Variants in ZRANB3 observed in about 807,000 individuals in gnomAD.
ZRANB3 encodes the protein DNA annealing helicase and endonuclease ZRANB3.
ZRANB3 carries 125 observed loss-of-function variants against 133.8 expected under a neutral mutation model. That is an observed-to-expected ratio of 0.93 (90% CI 0.81 to 1.08). The LOEUF is 1.08. ZRANB3 is among the 50% of genes least tolerant of loss of function. The pLI is 0.00. For missense variants in ZRANB3, 1,229 were observed against 1,275.5 expected (o/e 0.96, Z 0.56); for synonymous variants, 387 against 432.7 (o/e 0.89, Z 1.31).
In ZRANB3 at chr2:135,288,873, CGTGTGT is replaced by C. The variant is rs57200280; in HGVS notation, c.967-13124_967-13119del. Among the ~76,000 whole-genome samples the C allele has an allele frequency of 2.8e-3, 401 of 141,384 alleles. 2 individuals are homozygous for C. The highest frequency in any genetic ancestry group is 8.0e-3 in the African/African-American group (307 of 38,550). 92.8% of individuals were successfully genotyped at this position (141,384 alleles called of 152,430 possible). A position where few individuals can be genotyped will look rare whatever the true frequency, so the allele number is the denominator to read the frequency against. ...AAGAACTTGTTTCTGCTTCATTTAT[CGTGTGT>C]GTGTGTGTGTGTGTGTGTGTGTGTG... On this transcript the variant is annotated intron_variant, in intron 8 of 20. Coordinates refer to ENST00000264159, the MANE Select transcript of ZRANB3 (RefSeq NM_032143.4).
At chr2:135,313,060 T>C (rs941902948) in intron 8 of ZRANB3, among the ~76,000 whole-genome samples, 4 of 150,100 alleles carry the variant, frequency 2.7e-5, no homozygotes, top group African/African-American at 9.8e-5. Context: ...TGAATATATA[T>C]ATAATTTAAA....
At chr2:135,448,599 C>T (rs1314686466) in intron 2 of ZRANB3, among the ~76,000 whole-genome samples, 1 of 152,102 alleles carries the variant, frequency 6.6e-6, no homozygotes, top group Non-Finnish European at 1.5e-5. Context: ...GCAAATTATT[C>T]ATTAATGATA....
chr2:135,258,509 T>C (rs11884903), intron 12 of ZRANB3, among the ~76,000 whole-genome samples: 47,113 of 152,060 alleles, frequency 0.31, 11,311 homozygotes, highest in African/African-American at 0.66. Flanking sequence ...CCCTTTTATT[T>C]CTTTTCACAC....
intron 2 of ZRANB3, among the ~76,000 whole-genome samples, chr2:135,435,298 A>C (rs1266721614): frequency 4.6e-5 from 7 of 152,194 alleles, no homozygotes; most frequent in African/African-American, 1.7e-4. Context: ...CTAGCTCCAT[A>C]CATGTTCCTG....
chr2:135,249,320 C>T (rs1679256307), intron 12 of ZRANB3, among the ~76,000 whole-genome samples: 1 of 152,116 alleles, frequency 6.6e-6, no homozygotes, highest in South Asian at 2.1e-4. Flanking sequence ...GCACTATTTG[C>T]AATAGCAAAG....
intron 3 of ZRANB3, among the ~76,000 whole-genome samples, chr2:135,360,286 C>G (rs1476297384): frequency 6.6e-6 from 1 of 152,058 alleles, no homozygotes; most frequent in Non-Finnish European, 1.5e-5. Flanking sequence ...GAGGCTGAGG[C>G]AGGAGAATTG....
chr2:135,335,889 T>A (rs1369563243), intron 6 of ZRANB3, among the ~76,000 whole-genome samples: 1 of 151,922 alleles, frequency 6.6e-6, no homozygotes, highest in African/African-American at 2.4e-5. Flanking sequence ...TTTCATTACT[T>A]CCAGGGGGAA....
intron 8 of ZRANB3, among the ~76,000 whole-genome samples, chr2:135,306,593 T>TG (rs1438755197): frequency 1.5e-5 from 2 of 135,268 alleles, no homozygotes; most frequent in East Asian, 4.3e-4. Flanking sequence ...CACCCGGCCT[T>TG]TTTTTTTTTT....
At chr2:135,413,274 C>G (rs1310481016) in intron 2 of ZRANB3, among the ~76,000 whole-genome samples, 1 of 152,100 alleles carries the variant, frequency 6.6e-6, no homozygotes, top group Non-Finnish European at 1.5e-5. Flanking sequence ...GTGAATCAAC[C>G]AATCCTAGAT....
intron 2 of ZRANB3, among the ~76,000 whole-genome samples, chr2:135,486,815 C>T (rs1158194152): frequency 6.6e-6 from 1 of 152,154 alleles, no homozygotes; most frequent in African/African-American, 2.4e-5. Flanking sequence ...ACCCGGTCCC[C>T]TCTACTGAAG....
intron 15 of ZRANB3, among the ~76,000 whole-genome samples, chr2:135,223,578 T>C (rs1394568328): frequency 2.0e-4 from 30 of 152,262 alleles, no homozygotes; most frequent in Non-Finnish European, 5.9e-5. Flanking sequence ...TCCACCCACC[T>C]TGGCCTCTCC....
intron 3 of ZRANB3, among the ~76,000 whole-genome samples, chr2:135,387,113 GC>G (rs1445768373): frequency 6.6e-6 from 1 of 151,810 alleles, no homozygotes; most frequent in Non-Finnish European, 1.5e-5. Context: ...ACAGCAGACA[GC>G]TAAAGTACAC....
intron 2 of ZRANB3, among the ~76,000 whole-genome samples, chr2:135,398,940 CTG>C (rs895901625): frequency 2.0e-5 from 3 of 152,214 alleles, no homozygotes; most frequent in Non-Finnish European, 4.4e-5. Flanking sequence ...CCTAATCACA[CTG>C]TGTTCAGTAC....
chr2:135,405,552 T>C (rs7567934), intron 2 of ZRANB3, among the ~76,000 whole-genome samples: 2,168 of 152,220 alleles, frequency 0.014, 47 homozygotes, highest in African/African-American at 0.049. Flanking sequence ...TATTCCAAAA[T>C]TGACCACATA....
intron 12 of ZRANB3, among the ~76,000 whole-genome samples, chr2:135,259,512 G>A (rs1029586225): frequency 1.6e-4 from 25 of 152,172 alleles, no homozygotes; most frequent in African/African-American, 5.1e-4. Context: ...TCCGCCTCCC[G>A]GGTTCAAGCG....
intron 2 of ZRANB3, among the ~76,000 whole-genome samples, chr2:135,478,482 AAT>A (rs1327834697): frequency 6.6e-6 from 1 of 152,146 alleles, no homozygotes; most frequent in Non-Finnish European, 1.5e-5. Flanking sequence ...ACCATAGATT[AAT>A]ATGTTATTTA....
chr2:135,292,553 C>A (rs1182396437), intron 8 of ZRANB3, among the ~76,000 whole-genome samples: 1 of 152,176 alleles, frequency 6.6e-6, no homozygotes, highest in Non-Finnish European at 1.5e-5. Flanking sequence ...GTTGCCTGTT[C>A]ACTCTGATGG....
At chr2:135,374,814 A>G (rs554379756) in intron 3 of ZRANB3, among the ~76,000 whole-genome samples, 3 of 152,210 alleles carry the variant, frequency 2.0e-5, no homozygotes, top group African/African-American at 7.2e-5. Flanking sequence ...AAACATATCT[A>G]ATAAAGACTT....
At chr2:135,275,541 G>C (rs1680767186) in intron 9 of ZRANB3, 95 bp downstream of exon 9, 1 of 1,078,278 alleles carries the variant, frequency 9.3e-7, no homozygotes, top group Non-Finnish European at 1.2e-6. Flanking sequence ...ATCTAAAGAA[G>C]ACAAAAAACA....
Sources: gnomAD v4.1 joint callset for allele counts (sites outside exome capture counted in the v4.1 genomes callset) on GRCh38, gnomAD v4.1.1 for gene constraint, MANE v1.5 for transcripts, NCBI Gene and HGNC (gene_info 2026-07-23, HGNC 2026-07-21) for gene names.